MPHOSPH9: variants seen among roughly 807,000 people sequenced by gnomAD.
MPHOSPH9 encodes M-phase phosphoprotein 9.
In MPHOSPH9, 88 loss-of-function variants were observed where a neutral mutation model predicts 145.5. The observed-to-expected ratio is 0.60, with a 90% confidence interval of 0.51 to 0.72. The LOEUF (loss-of-function observed/expected upper bound fraction) is 0.72. Ranked by LOEUF, MPHOSPH9 falls within the 30% of genes least tolerant of loss-of-function variation. MPHOSPH9 has a pLI of 0.00. For synonymous variants in MPHOSPH9, 435 were observed against 486.2 expected, an observed-to-expected ratio of 0.89 and a Z score of 1.39; for missense variants, 1,238 against 1,386.6, an observed-to-expected ratio of 0.89 and a Z score of 1.70.
At chr12:123,193,848 C>CATTTTTTTT (rs2045818862) in intron 13 of MPHOSPH9, among the ~76,000 whole-genome samples, 1 of 149,658 alleles carries the variant, frequency 6.7e-6, no homozygotes. Context: ...TTAAGTTGAC[C>CATTTTTTTT]TGCTAGAAAC....
intron 4 of MPHOSPH9, 96 bp downstream of exon 4, chr12:123,222,942 A>ATG (rs1309272227): frequency 1.1e-5 from 8 of 718,074 alleles, no homozygotes; most frequent in Admixed American, 7.4e-5. Context: ...ATTTCTATAT[A>ATG]TGTGTGTGTG....
At chr12:123,215,226 A>G (rs2046908043) in intron 6 of MPHOSPH9, among the ~76,000 whole-genome samples, 1 of 152,056 alleles carries the variant, frequency 6.6e-6, no homozygotes, top group African/African-American at 2.4e-5. Context: ...TGGGCAACAG[A>G]GCAAGACTCT....
At chr12:123,220,042 A>G (rs1385340079) in intron 5 of MPHOSPH9, among the ~76,000 whole-genome samples, 2 of 151,864 alleles carry the variant, frequency 1.3e-5, no homozygotes, top group Non-Finnish European at 2.9e-5. Flanking sequence ...AAAAATACAA[A>G]AATTAGCCGG....
At chr12:123,222,002 A>G in intron 4 of MPHOSPH9, 107 bp from the exon 5 acceptor site, 1 of 711,016 alleles carries the variant, frequency 1.4e-6, no homozygotes, top group Non-Finnish European at 2.2e-6. Flanking sequence ...ATATTATTCT[A>G]AAGATAATGT....
At chr12:123,152,772 T>G (rs949924627), downstream of MPHOSPH9, 9 of 333,420 alleles carry the variant, frequency 2.7e-5, no homozygotes, top group Non-Finnish European at 5.4e-5. Context: ...ATATAGTGGA[T>G]TTAATCAAAC....
intron 17 of MPHOSPH9, 71 bp downstream of exon 17, chr12:123,166,584 T>C: frequency 6.4e-7 from 1 of 1,559,902 alleles, no homozygotes; most frequent in East Asian, 2.3e-5. Flanking sequence ...CTTCCCAAAC[T>C]TTTAAAAGCA....
chr12:123,183,614 C>T (rs1266475545), intron 13 of MPHOSPH9, among the ~76,000 whole-genome samples: 1 of 148,184 alleles, frequency 6.7e-6, no homozygotes, highest in Non-Finnish European at 1.5e-5. Context: ...GTGGATACAA[C>T]CCCAAGTGCC....
At chr12:123,228,654 C>A (rs917074261) in intron 2 of MPHOSPH9, among the ~76,000 whole-genome samples, 3 of 151,972 alleles carry the variant, frequency 2.0e-5, no homozygotes, top group African/African-American at 7.3e-5. Context: ...CACCACTGCA[C>A]CCCAGCCTAG....
chr12:123,198,274 A>AT lies in MPHOSPH9; in HGVS notation c.1997dup (p.Asn666LysfsTer2). ...CTTCAATTTCCAGTAAGTTATTCTT[A>AT]TTTTCAAGTGTTCTCACGCGACTAG... On this transcript the variant is annotated frameshift_variant, in exon 12 of 24. Coordinates refer to ENST00000606320, the MANE Select transcript of MPHOSPH9 (RefSeq NM_022782.4). LOFTEE classifies it high-confidence loss of function. 6.2e-7 allele frequency: 1 copy of AT among 1,611,558 alleles called. No homozygotes were observed. The highest frequency in any genetic ancestry group is 8.5e-7 in the Non-Finnish European group (1 of 1,178,626).
At position 123,163,739 on chromosome 12, in the gene MPHOSPH9, A is replaced by G; in HGVS notation, c.2908+211T>C. ...ACACAATAAAAAATCTCACTTTAAT[A>G]AACAGATTTCTTCATTTACATTTGT... On this transcript the variant is annotated intron_variant, in intron 19 of 23. Transcript: ENST00000606320. 8 of 459,280 alleles carry G rather than the reference A, an allele frequency of 1.7e-5. No homozygotes were observed. The South Asian group carries it at 4.5e-4, about 26-fold the overall frequency. 28.5% of individuals were successfully genotyped at this position (459,280 alleles called of 1,614,324 possible).
intron 16 of MPHOSPH9, among the ~76,000 whole-genome samples, chr12:123,172,203 C>T (rs1014712109): frequency 6.6e-5 from 10 of 152,194 alleles, no homozygotes; most frequent in African/African-American, 2.4e-4. Context: ...GTTTTATGGG[C>T]CAGTGTCTGT....
chr12:123,171,641 T>A (rs1565906595), intron 16 of MPHOSPH9, among the ~76,000 whole-genome samples: 1 of 151,136 alleles, frequency 6.6e-6, no homozygotes, highest in African/African-American at 2.4e-5. Flanking sequence ...CCCAGCTACT[T>A]GGGAAGCTGA....
chr12:123,174,532 C>A (rs1382834044), intron 16 of MPHOSPH9, among the ~76,000 whole-genome samples: 1 of 151,980 alleles, frequency 6.6e-6, no homozygotes, highest in East Asian at 1.9e-4. Context: ...GCCACCACAC[C>A]CGGCTAATTT....
rs1046608263 is a variant in MPHOSPH9, at chr12:123,177,851, A to T, written c.2355-1062T>A. ...CAAAAACAGAACTTTTACCAAAAAA[A>T]TTTCAAAAAAAAAAAAAAACCTTTC... On this transcript the variant is annotated intron_variant, in intron 15 of 23. Coordinates refer to ENST00000606320, the MANE Select transcript of MPHOSPH9 (RefSeq NM_022782.4). 2.5e-4 allele frequency among the ~76,000 whole-genome samples: 25 copies of T among 98,998 alleles called. No individual in the cohort carries two copies. The East Asian group carries it at 8.7e-3, about 34-fold the overall frequency. The allele number at this position is 98,998 out of a possible 152,430, so 64.9% of individuals were successfully genotyped here.
intron 11 of MPHOSPH9, among the ~76,000 whole-genome samples, chr12:123,198,678 C>T (rs560706989): frequency 2.2e-4 from 34 of 151,594 alleles, no homozygotes; most frequent in South Asian, 1.7e-3. Context: ...GGCATGGTGG[C>T]ATGTGCCTGT....
At chr12:123,179,485 G>T (rs1054936807) in intron 15 of MPHOSPH9, among the ~76,000 whole-genome samples, 1 of 152,116 alleles carries the variant, frequency 6.6e-6, no homozygotes, top group African/African-American at 2.4e-5. Flanking sequence ...TGAGGCAGGA[G>T]AATTGCTTGA....
intron 7 of MPHOSPH9, among the ~76,000 whole-genome samples, chr12:123,214,365 C>G (rs1181295478): frequency 2.0e-5 from 3 of 152,048 alleles, no homozygotes; most frequent in African/African-American, 7.2e-5. Context: ...ATGGCGAAAC[C>G]CTGTCTCTAC....
intron 3 of MPHOSPH9, among the ~76,000 whole-genome samples, chr12:123,224,347 G>A (rs989568162): frequency 6.6e-6 from 1 of 151,998 alleles, no homozygotes; most frequent in Middle Eastern, 3.4e-3. Context: ...TGTTAGCCAG[G>A]ATGGTCTCAA....
intron 1 of MPHOSPH9, among the ~76,000 whole-genome samples, chr12:123,232,644 G>A (rs1043486312): frequency 2.6e-5 from 4 of 151,956 alleles, no homozygotes; most frequent in African/African-American, 9.7e-5. Context: ...GGCTGGTGGC[G>A]GCTATCGGGT....
Sources: allele counts gnomAD v4.1 joint callset (sites outside exome capture counted in the v4.1 genomes callset), GRCh38; gene constraint gnomAD v4.1.1; transcripts MANE v1.5; gene names NCBI Gene and HGNC (gene_info 2026-07-23, HGNC 2026-07-21).